SLC3A1: variants seen among roughly 807,000 people sequenced by gnomAD.
SLC3A1 encodes the protein solute carrier family 3 member 1, also known as amino acid transporter heavy chain SLC3A1.
In SLC3A1, 78 loss-of-function variants were observed where a neutral mutation model predicts 60.3. The ratio of observed to expected loss-of-function variants is 1.29; its 90% CI spans 1.08 to 1.56. SLC3A1 has a LOEUF of 1.56. Ranked by LOEUF, SLC3A1 falls within the 40% of genes most tolerant of loss-of-function variation. The pLI is 0.00. For synonymous variants in SLC3A1, 392 were observed against 307.9 expected (o/e 1.27, Z -2.86); for missense variants, 1,172 against 858.9 (o/e 1.36, Z -4.56).
At chr2:44,276,060 G>A (rs1671336430) in intron 1 of SLC3A1, 95 bp downstream of exon 1, 2 of 1,102,356 alleles carry the variant, frequency 1.8e-6, no homozygotes, top group East Asian at 2.4e-5. Context: ...GGGTTGTTCA[G>A]TAAGCACATT....
chr2:44,293,792 G>C (rs1671789020), intron 4 of SLC3A1, among the ~76,000 whole-genome samples: 1 of 152,182 alleles, frequency 6.6e-6, no homozygotes, highest in South Asian at 2.1e-4. Context: ...GCGCCGTACA[G>C]TTGCAATTCT....
intron 6 of SLC3A1, among the ~76,000 whole-genome samples, chr2:44,303,231 T>C (rs1253112777): frequency 7.0e-6 from 1 of 142,692 alleles, no homozygotes; most frequent in Non-Finnish European, 1.5e-5. Flanking sequence ...ACAACCAATA[T>C]AGACTGAGAT....
intron 4 of SLC3A1, among the ~76,000 whole-genome samples, chr2:44,289,878 G>T (rs563664090): frequency 6.6e-6 from 1 of 152,036 alleles, no homozygotes; most frequent in Non-Finnish European, 1.5e-5. Context: ...TGATCCACCC[G>T]CCTCGGCCTC....
chr2:44,292,520 T>A (rs1211003914), intron 4 of SLC3A1, among the ~76,000 whole-genome samples: 1 of 152,084 alleles, frequency 6.6e-6, no homozygotes, highest in Non-Finnish European at 1.5e-5. Context: ...GGGGCTTATA[T>A]TCTGGGGTGG....
chr2:44,306,768 G>A (rs1558465941), intron 7 of SLC3A1, among the ~76,000 whole-genome samples: 1 of 149,624 alleles, frequency 6.7e-6, no homozygotes, highest in African/African-American at 2.5e-5. Flanking sequence ...TGTTGGCCAG[G>A]CTGGTCTCGA....
chr2:44,309,170 T>C (rs1672231119), intron 7 of SLC3A1, among the ~76,000 whole-genome samples: 1 of 152,224 alleles, frequency 6.6e-6, no homozygotes, highest in African/African-American at 2.4e-5. Flanking sequence ...CTAGAACTTT[T>C]ATCATCCCAA....
rs751436314 is a variant in SLC3A1, at chr2:44,286,067, C to T, written c.801C>T (p.Asp267=). 18 of 1,613,814 alleles carry T rather than the reference C, an allele frequency of 1.1e-5. 1 individual carries two copies. Among genetic ancestry groups the T allele is most frequent in the South Asian group, 1.1e-4 (10 of 91,076 alleles). Residue 267 remains aspartate (D), a synonymous_variant, in exon 4 of 10, where the codon GAC becomes GAT. Coordinates refer to ENST00000260649, the MANE Select transcript of SLC3A1 (RefSeq NM_000341.4). ...ATGGAAACTCCAGTTGGCACTTTGA[C>T]GAAGTGCGAAACCAATGTTATTTTC... ...SVYGNSSWHF[D]EVRNQCYFHQ...
intron 4 of SLC3A1, among the ~76,000 whole-genome samples, chr2:44,288,528 C>T (rs927073353): frequency 6.6e-6 from 1 of 152,072 alleles, no homozygotes; most frequent in Non-Finnish European, 1.5e-5. Flanking sequence ...ATCTGTATAT[C>T]CCTGGTAGGT....
intron 4 of SLC3A1, among the ~76,000 whole-genome samples, chr2:44,294,144 C>T (rs1281215723): frequency 6.6e-6 from 1 of 152,036 alleles, no homozygotes; most frequent in African/African-American, 2.4e-5. Context: ...GCTAAGGTAT[C>T]TGAGTGTTTC....
chr2:44,308,202 T>G (rs1672205908), intron 7 of SLC3A1, among the ~76,000 whole-genome samples: 1 of 152,238 alleles, frequency 6.6e-6, no homozygotes, highest in South Asian at 2.1e-4. Context: ...TCAGTTCTGT[T>G]CATCTATATG....
rs764963621 is a variant in SLC3A1 at position 44,275,518 on chromosome 2, GA to G, written c.-17del. 2 of 1,611,738 alleles carry G rather than the reference GA, an allele frequency of 1.2e-6. No homozygotes were observed. Among genetic ancestry groups the G allele is most frequent in the Non-Finnish European group, 8.5e-7 (1 of 1,178,622 alleles). Reference sequence around the variant, plus strand: ...CCTTACTGCAGGAAGGCACTCCGAAGACATAAGTCGGTGAGACATGGCTGAA... The same window carrying G: ...CCTTACTGCAGGAAGGCACTCCGAAGCATAAGTCGGTGAGACATGGCTGAA... On this transcript the variant is annotated 5_prime_UTR_variant, in exon 1 of 10. Transcript: ENST00000260649.
At chr2:44,307,130 CT>C (rs2104375205) in intron 7 of SLC3A1, among the ~76,000 whole-genome samples, 1 of 152,276 alleles carries the variant, frequency 6.6e-6, no homozygotes, top group Admixed American at 6.5e-5. Context: ...GCTTCTTTCA[CT>C]TAACATAGTG....
rs980912419 is a variant in SLC3A1, at chr2:44,321,107, C to T, written c.*468C>T. 2.2e-6 allele frequency: 1 copy of T among 464,842 alleles called. No homozygotes were observed. Among genetic ancestry groups the T allele is most frequent in the African/African-American group, 2.0e-5 (1 of 51,092 alleles). 28.8% of individuals were successfully genotyped at this position (464,842 alleles called of 1,614,324 possible). On this transcript the variant is annotated 3_prime_UTR_variant, in exon 10 of 10. Coordinates refer to ENST00000260649, the MANE Select transcript of SLC3A1 (RefSeq NM_000341.4). ...GCTATCACCAATCCTTCCCTTCCCT[C>T]TACTCCACATCCTTCTAAGGAGCAT...
downstream of SLC3A1, chr2:44,321,549 G>A: frequency 6.6e-7 from 1 of 1,510,484 alleles, no homozygotes. Flanking sequence ...CGTGAAGTCA[G>A]CAATTTATGG....
chr2:44,279,930 A>T (rs984525000), intron 1 of SLC3A1, among the ~76,000 whole-genome samples: 15 of 152,168 alleles, frequency 9.9e-5, no homozygotes, highest in Admixed American at 9.2e-4. Flanking sequence ...AATCCAATAC[A>T]TGTTGTTCCC....
chr2:44,307,213 A>G (rs1376566840), intron 7 of SLC3A1, among the ~76,000 whole-genome samples: 1 of 152,246 alleles, frequency 6.6e-6, no homozygotes, highest in Non-Finnish European at 1.5e-5. Context: ...AGTAACTTCC[A>G]TAAAGCCCAT....
At chr2:44,280,141 A>G (rs1312566505) in intron 1 of SLC3A1, among the ~76,000 whole-genome samples, 1 of 152,170 alleles carries the variant, frequency 6.6e-6, no homozygotes, top group Non-Finnish European at 1.5e-5. Context: ...ACAATACCAC[A>G]GTCTTGGTTT....
At position 44,319,870 on chromosome 2, in the gene SLC3A1, T is replaced by C. The variant is rs180971184; in HGVS notation, c.1618-329T>C. ...GTTACAATATAGCACAGAATGACTA[T>C]GCAAGTTAAATATTCATCTTAGACA... On this transcript the variant is annotated intron_variant, in intron 9 of 9. Transcript: ENST00000260649. 755 of 281,122 alleles carry C rather than the reference T, an allele frequency of 2.7e-3. 4 individuals are homozygous for C. The highest frequency in any genetic ancestry group is 0.012 in the Middle Eastern group (10 of 824). 17.4% of individuals were successfully genotyped at this position (281,122 alleles called of 1,614,324 possible).
In SLC3A1 at chr2:44,320,563, C is replaced by A; in HGVS notation, c.1982C>A (p.Ala661Asp). 1 of 1,614,040 alleles carries A rather than the reference C, an allele frequency of 6.2e-7. No homozygotes were observed. The stretch of plus-strand genomic sequence containing the variant: ...AAGAATCTCCTTCATCGCCAAACAG[C>A]TTTCAGAGATAGATGCTTTGTTTCC... ...NTKNLLHRQT[A>D]FRDRCFVSNR... The change falls in exon 10 of 10, where the codon GCT (alanine) becomes GAT (aspartate). Residue 661 changes from alanine to aspartate, a missense_variant. By Grantham distance (126) the Ala-to-Asp change is moderately radical (BLOSUM62 -2). Coordinates refer to ENST00000260649, the MANE Select transcript of SLC3A1 (RefSeq NM_000341.4).
Sources: allele counts gnomAD v4.1 joint callset (sites outside exome capture counted in the v4.1 genomes callset), GRCh38; gene constraint gnomAD v4.1.1; transcripts MANE v1.5; gene names NCBI Gene and HGNC (gene_info 2026-07-23, HGNC 2026-07-21).